The following STK24 variants were observed in gnomAD, a reference collection of about 807,000 sequenced individuals.
The protein encoded by STK24 is serine/threonine kinase 24, also known as serine/threonine-protein kinase 24.
In STK24, 21 loss-of-function variants were observed where a neutral mutation model predicts 55.6. The observed-to-expected ratio is 0.38, with a 90% CI of 0.27 to 0.54. STK24 has a LOEUF of 0.54. STK24 is among the 20% of genes least tolerant of loss of function. The probability of loss-of-function intolerance (pLI) is 0.79; values close to 1 mark genes in which losing one functional copy is unlikely to be tolerated. For synonymous variants in STK24, 200 were observed against 215.2 expected (o/e 0.93, Z 0.62); for missense variants, 383 against 538.4 (o/e 0.71, Z 2.86).
At chr13:98,546,919 G>A (rs1324468117) in intron 1 of STK24, among the ~76,000 whole-genome samples, 1 of 151,464 alleles carries the variant, frequency 6.6e-6, no homozygotes, top group Non-Finnish European at 1.5e-5. Flanking sequence ...TTGTTTGTTT[G>A]TTTGTTTTTG....
At chr13:98,475,169 C>G (rs1894318025) in intron 4 of STK24, 81 bp downstream of exon 4, 1 of 1,427,484 alleles carries the variant, frequency 7.0e-7, no homozygotes. Flanking sequence ...TGGGCGCCAG[C>G]ACCTTCCCTT....
chr13:98,546,054 T>C (rs1897021453), intron 1 of STK24, among the ~76,000 whole-genome samples: 1 of 152,236 alleles, frequency 6.6e-6, no homozygotes. Context: ...TGGGTTTCAC[T>C]GATGAAGGCT....
At position 98,452,870 on chromosome 13, in the gene STK24, T is replaced by A. The variant is rs1188740165; in HGVS notation, c.*303A>T. On this transcript the variant is annotated 3_prime_UTR_variant, in exon 11 of 11. Coordinates refer to ENST00000539966, the MANE Select transcript of STK24 (RefSeq NM_001032296.4). ...TCCCAAATATACATTTCAGGGTTTG[T>A]TTTTGTTTTTAAAGACACTTTCCTG... 3 of 308,832 alleles carry A rather than the reference T, an allele frequency of 9.7e-6. No individual in the cohort carries two copies. Among genetic ancestry groups the A allele is most frequent in the African/African-American group, 2.2e-5 (1 of 46,288 alleles). 19.1% of individuals were successfully genotyped at this position (308,832 alleles called of 1,614,324 possible).
chr13:98,479,089 G>A (rs1185704811), intron 3 of STK24, among the ~76,000 whole-genome samples: 3 of 152,130 alleles, frequency 2.0e-5, no homozygotes, highest in African/African-American at 4.8e-5. Context: ...TTCCCTCCCC[G>A]GGCTACAAAG....
At chr13:98,548,254 A>G (rs1275538791) in intron 1 of STK24, among the ~76,000 whole-genome samples, 1 of 152,164 alleles carries the variant, frequency 6.6e-6, no homozygotes, top group Admixed American at 6.5e-5. Context: ...ACAATTTTTT[A>G]TTTTCCTGGG....
At chr13:98,565,143 T>G (rs1897532150) in intron 1 of STK24, among the ~76,000 whole-genome samples, 2 of 152,170 alleles carry the variant, frequency 1.3e-5, no homozygotes, top group South Asian at 4.1e-4. Flanking sequence ...CAATGAGGAT[T>G]CAGGATTCTT....
At chr13:98,490,749 G>A (rs1289554816) in intron 2 of STK24, among the ~76,000 whole-genome samples, 4 of 151,432 alleles carry the variant, frequency 2.6e-5, no homozygotes, top group Admixed American at 2.6e-4. Context: ...CCTCCCTTGT[G>A]TTCGCAAACA....
At chr13:98,545,503 G>A (rs1397659825) in intron 1 of STK24, among the ~76,000 whole-genome samples, 10 of 152,206 alleles carry the variant, frequency 6.6e-5, no homozygotes, top group South Asian at 4.2e-4. Context: ...GCTTGGTGGC[G>A]GGCGCCTGTA....
chr13:98,553,094 C>T (rs1897195952), intron 1 of STK24: 1 of 152,190 alleles, frequency 6.6e-6, no homozygotes, highest in Non-Finnish European at 1.5e-5. Context: ...GCACCTTACA[C>T]TCAATTTTGT....
chr13:98,465,528 C>T (rs1415685721), intron 6 of STK24, among the ~76,000 whole-genome samples: 2 of 152,366 alleles, frequency 1.3e-5, no homozygotes, highest in East Asian at 3.9e-4. Flanking sequence ...CCACCACCAC[C>T]CGATGCTGAT....
intron 2 of STK24, chr13:98,505,040 T>TTACA (rs1895635874): frequency 6.6e-6 from 1 of 152,282 alleles, no homozygotes; most frequent in Non-Finnish European, 1.5e-5. Flanking sequence ...TACCGCAAGC[T>TTACA]GGCCCCAAGG....
chr13:98,448,513 G>A lies in STK24; in HGVS notation c.*4660C>T, dbSNP rs1893005801. ...TGAATGAACAGCGCTCCCACCTCCA[G>A]TCCTGGCATCCGCTGGGGGCGCTGT... is the stretch of plus-strand genomic sequence containing the variant. On this transcript the variant is annotated 3_prime_UTR_variant, in exon 11 of 11. Coordinates refer to ENST00000539966, the MANE Select transcript of STK24 (RefSeq NM_001032296.4). 1 of 580,668 alleles carries A rather than the reference G, an allele frequency of 1.7e-6. No homozygotes were observed. Among genetic ancestry groups the A allele is most frequent in the African/African-American group, 1.9e-5 (1 of 53,268 alleles). 36.0% of individuals were successfully genotyped at this position (580,668 alleles called of 1,614,324 possible). A position where few individuals can be genotyped will look rare whatever the true frequency, so the allele number is the denominator to read the frequency against.
intron 5 of STK24, among the ~76,000 whole-genome samples, chr13:98,466,784 C>G (rs953259102): frequency 2.0e-5 from 3 of 152,232 alleles, no homozygotes; most frequent in Admixed American, 2.0e-4. Flanking sequence ...GATGGCTTAT[C>G]AATTCACTCC....
intron 1 of STK24, among the ~76,000 whole-genome samples, chr13:98,532,766 T>C (rs2139404933): frequency 6.6e-6 from 1 of 152,352 alleles, no homozygotes; most frequent in African/African-American, 2.4e-5. Context: ...AGTAACATGC[T>C]TTTCTACACA....
At chr13:98,454,014 A>T (rs536109236) in intron 10 of STK24, 3 of 152,318 alleles carry the variant, frequency 2.0e-5, no homozygotes, top group Middle Eastern at 3.4e-3. Flanking sequence ...GCTGGCGCTC[A>T]AAAGTTTCAG....
intron 2 of STK24, among the ~76,000 whole-genome samples, chr13:98,511,089 C>T (rs112328828): frequency 0.015 from 2,288 of 152,256 alleles, 74 homozygotes; most frequent in African/African-American, 0.052. Context: ...GCCTCGAACA[C>T]CTGGGCTCAA....
At chr13:98,516,741 G>A (rs1436289625) in intron 2 of STK24, among the ~76,000 whole-genome samples, 1 of 152,246 alleles carries the variant, frequency 6.6e-6, no homozygotes, top group Non-Finnish European at 1.5e-5. Context: ...TCCTGAATCA[G>A]TGTCTGAAGG....
intron 1 of STK24, chr13:98,522,120 G>GTGTCTGAGCCTTGTC (rs1452372328): frequency 7.9e-7 from 1 of 1,269,000 alleles, no homozygotes; most frequent in Non-Finnish European, 1.0e-6. Flanking sequence ...CTGCAATGTC[G>GTGTCTGAGCCTTGTC]TGTCTGAGCC....
chr13:98,550,584 C>G (rs1284399052), intron 1 of STK24, among the ~76,000 whole-genome samples: 7 of 152,212 alleles, frequency 4.6e-5, no homozygotes, highest in Non-Finnish European at 8.8e-5. Flanking sequence ...TGTCTTCTCT[C>G]TCTAAAGACA....
Sources: allele counts gnomAD v4.1 joint callset (sites outside exome capture counted in the v4.1 genomes callset), GRCh38; gene constraint gnomAD v4.1.1; transcripts MANE v1.5; gene names NCBI Gene and HGNC (gene_info 2026-07-23, HGNC 2026-07-21).